Variants in UVSSA observed in about 807,000 individuals in gnomAD.
The protein encoded by UVSSA is UV stimulated scaffold protein A.
In UVSSA, 72 loss-of-function variants were observed where a neutral mutation model predicts 73.9. That is an observed-to-expected ratio of 0.97 (90% CI 0.81 to 1.19). UVSSA has a LOEUF of 1.19. Ranked by LOEUF, UVSSA falls within the 50% of genes most tolerant of loss-of-function variation. The pLI is 0.00. For synonymous variants in UVSSA, 454 were observed against 391.3 expected, an observed-to-expected ratio of 1.16 and a Z score of -1.89; for missense variants, 1,150 against 965.0, an observed-to-expected ratio of 1.19 and a Z score of -2.54.
exon 14 of UVSSA, chr4:1,394,744 ATGTGCC>A (rs1720485400): frequency 6.3e-7 from 1 of 1,579,394 alleles, no homozygotes; most frequent in African/African-American, 1.5e-5. Flanking sequence ...CCACCTGCTC[ATGTGCC>A]CATGTGGAGT....
rs1398290190 is a variant in UVSSA, at chr4:1,348,101, A to G, written c.10A>G (p.Lys4Glu). The stretch of plus-strand genomic sequence containing the variant: ...TTACTTATTTCTAGATATGGATCAG[A>G]AACTTTCGAAGTTGGTAGAAGAGCT... MDQ[K>E]LSKLVEELTT... The change falls in exon 2 of 14, where the codon AAA becomes GAA. Residue 4 changes from lysine (K) to glutamate (E), a missense_variant. Coordinates refer to ENST00000389851, the MANE Select transcript of UVSSA (RefSeq NM_020894.4). 9.3e-6 allele frequency: 15 copies of G among 1,613,458 alleles called. No individual in the cohort carries two copies. Among genetic ancestry groups the G allele is most frequent in the Non-Finnish European group, 1.3e-5 (15 of 1,179,656 alleles).
chr4:1,369,899 G>A (rs781197100), intron 8 of UVSSA, among the ~76,000 whole-genome samples: 11 of 152,372 alleles, frequency 7.2e-5, no homozygotes, highest in South Asian at 4.1e-4. Flanking sequence ...CGGGCAAGGC[G>A]GGCGCCGCGT....
chr4:1,363,539 A>G (rs934262248), intron 7 of UVSSA, among the ~76,000 whole-genome samples: 1 of 152,206 alleles, frequency 6.6e-6, no homozygotes, highest in East Asian at 1.9e-4. Context: ...GTCCACATCT[A>G]CCTTTTAGAA....
chr4:1,362,043 C>T (rs1050429532), intron 7 of UVSSA, among the ~76,000 whole-genome samples: 1 of 152,214 alleles, frequency 6.6e-6, no homozygotes, highest in East Asian at 1.9e-4. Context: ...GGCCTCTCCT[C>T]TTCCTTTCCT....
chr4:1,346,476 G>A (rs1431612866), upstream of UVSSA, among the ~76,000 whole-genome samples: 2 of 152,214 alleles, frequency 1.3e-5, no homozygotes, highest in Non-Finnish European at 1.5e-5. Context: ...TCGAGGCTGC[G>A]GACTTCGGCG....
At chr4:1,395,594 C>T (rs1399171949) in exon 14 of UVSSA, 6 of 1,563,164 alleles carry the variant, frequency 3.8e-6, no homozygotes, top group Non-Finnish European at 5.2e-6. Flanking sequence ...ATGTGGAGTG[C>T]CCGCCTGCTC....
chr4:1,344,821 G>A (rs1386780630), upstream of UVSSA, among the ~76,000 whole-genome samples: 1 of 152,168 alleles, frequency 6.6e-6, no homozygotes, highest in Admixed American at 6.6e-5. Flanking sequence ...GTTGAGCCAG[G>A]GAGGTGAGCG....
At chr4:1,378,959 C>A (rs1037713187) in intron 10 of UVSSA, among the ~76,000 whole-genome samples, 2 of 152,246 alleles carry the variant, frequency 1.3e-5, no homozygotes, top group African/African-American at 4.8e-5. Flanking sequence ...CATCCCAGAC[C>A]AAGGTGGATG....
intron 2 of UVSSA, 123 bp downstream of exon 2, chr4:1,348,312 C>G (rs947072322): frequency 2.7e-5 from 20 of 749,118 alleles, no homozygotes; most frequent in Non-Finnish European, 4.2e-5. Context: ...AGGACATTTT[C>G]TCGGGGCCCT....
At chr4:1,376,600 C>G (rs1577363383) in intron 10 of UVSSA, among the ~76,000 whole-genome samples, 1 of 152,208 alleles carries the variant, frequency 6.6e-6, no homozygotes, top group East Asian at 1.9e-4. Context: ...TGCAAGGAGC[C>G]TCGGGAAGCC....
At chr4:1,390,839 C>T (rs1369457720), downstream of UVSSA, 2 of 149,874 alleles carry the variant, frequency 1.3e-5, no homozygotes, top group Non-Finnish European at 2.9e-5. Context: ...CCTGTTGGGT[C>T]TGATTGGTTT....
intron 7 of UVSSA, 113 bp downstream of exon 7, chr4:1,355,358 C>G: frequency 9.2e-7 from 1 of 1,087,974 alleles, no homozygotes; most frequent in Non-Finnish European, 1.3e-6. Flanking sequence ...CAGCCACACC[C>G]CAAGCCCACT....
upstream of UVSSA, among the ~76,000 whole-genome samples, chr4:1,347,017 C>A (rs1415160526): frequency 6.6e-6 from 1 of 152,200 alleles, no homozygotes; most frequent in African/African-American, 2.4e-5. Flanking sequence ...GAGCTCAGGG[C>A]ACGTGCTAGG....
intron 7 of UVSSA, among the ~76,000 whole-genome samples, chr4:1,365,660 G>C (rs899328804): frequency 6.6e-6 from 1 of 152,246 alleles, no homozygotes; most frequent in Admixed American, 6.5e-5. Context: ...AGGACAGAAT[G>C]TTCCAGAAGT....
exon 14 of UVSSA, chr4:1,394,510 T>G (rs1446460007): frequency 6.2e-7 from 1 of 1,609,598 alleles, no homozygotes. Context: ...CCTGCACCTC[T>G]TATGCATGAG....
At chr4:1,354,462 T>A (rs548715686) in intron 5 of UVSSA, 1 of 487,334 alleles carries the variant, frequency 2.1e-6, no homozygotes, top group South Asian at 2.2e-5. Context: ...GGTCTCGCCC[T>A]CCAGATGGGA....
downstream of UVSSA, chr4:1,391,423 G>C (rs1720413163): frequency 6.6e-6 from 1 of 152,176 alleles, no homozygotes; most frequent in African/African-American, 2.4e-5. Flanking sequence ...TTGAATGTGA[G>C]GTATTGAATC....
At chr4:1,363,952 C>T (rs150966398) in intron 7 of UVSSA, among the ~76,000 whole-genome samples, 2,275 of 152,196 alleles carry the variant, frequency 0.015, 64 homozygotes, top group African/African-American at 0.05. Flanking sequence ...GGCCACCTCC[C>T]GGCAGGGTGC....
At position 1,375,408 on chromosome 4, in the gene UVSSA, C is replaced by CGAGGACGAGGAT; in HGVS notation, c.1334_1335insAGGACGAGGATG (p.Arg445_Thr446insGlyArgGlyTrp). On this transcript the variant is annotated inframe_insertion, in exon 9 of 14. Coordinates refer to ENST00000389851, the MANE Select transcript of UVSSA (RefSeq NM_020894.4). ...GAAAGACACAGTTGTGCGGTGCTTG[C>CGAGGACGAGGAT]GGACGAGGACGAGGATGGACGAGGA... 6.2e-7 allele frequency: 1 copy of CGAGGACGAGGAT among 1,613,546 alleles called. No individual in the cohort carries two copies. The highest frequency in any genetic ancestry group is 8.5e-7 in the Non-Finnish European group (1 of 1,180,016).
Sources: allele counts gnomAD v4.1 joint callset (sites outside exome capture counted in the v4.1 genomes callset), GRCh38; gene constraint gnomAD v4.1.1; transcripts MANE v1.5; gene names NCBI Gene and HGNC (gene_info 2026-07-23, HGNC 2026-07-21).